The following TYR variants were observed in gnomAD, a reference collection of about 807,000 sequenced individuals.
The protein encoded by TYR is LB24-AB.
A neutral mutation model predicts 51.5 loss-of-function variants in TYR; 58 were observed. That is an observed-to-expected ratio of 1.13 (90% CI 0.91 to 1.40). The LOEUF is 1.40. TYR is among the 40% of genes most tolerant of loss of function. The pLI, the probability that TYR is intolerant of heterozygous loss-of-function variation, is 0.00. For synonymous variants in TYR, 263 were observed against 235.2 expected, an observed-to-expected ratio of 1.12 and a Z score of -1.08; for missense variants, 732 against 647.4, an observed-to-expected ratio of 1.13 and a Z score of -1.42.
chr11:89,276,957 A>G (rs140315725), intron 3 of TYR, among the ~76,000 whole-genome samples: 3,484 of 151,836 alleles, frequency 0.023, 139 homozygotes, highest in African/African-American at 0.08. Flanking sequence ...GGGGTTTGGA[A>G]GGGAAGAAAA....
intron 3 of TYR, among the ~76,000 whole-genome samples, chr11:89,242,803 C>T (rs1480449322): frequency 6.6e-6 from 1 of 152,086 alleles, no homozygotes; most frequent in East Asian, 1.9e-4. Flanking sequence ...TAAAGAGGTC[C>T]TGACCAACTC....
chr11:89,264,782 A>T (rs1944506452), intron 3 of TYR, among the ~76,000 whole-genome samples: 1 of 151,208 alleles, frequency 6.6e-6, no homozygotes, highest in African/African-American at 2.4e-5. Flanking sequence ...CTTTGCAGGG[A>T]CATGGATGAG....
chr11:89,178,774 T>C lies in TYR; in HGVS notation c.819+2T>C. ...GCATCATTCTTCTCCTCTTGGCAGG[T>C]AAGATATGCTAGATATACGATGTCA... On this transcript the variant is annotated splice_donor_variant, in intron 1 of 4. Coordinates refer to ENST00000263321, the MANE Select transcript of TYR (RefSeq NM_000372.5). LOFTEE classifies it high-confidence loss of function. 6.2e-7 allele frequency: 1 copy of C among 1,613,952 alleles called. No homozygotes were observed. The highest frequency in any genetic ancestry group is 8.5e-7 in the Non-Finnish European group (1 of 1,179,972).
At chr11:89,253,978 T>C (rs1480120108) in intron 3 of TYR, among the ~76,000 whole-genome samples, 1 of 151,798 alleles carries the variant, frequency 6.6e-6, no homozygotes, top group Non-Finnish European at 1.5e-5. Flanking sequence ...GATAGGCTTT[T>C]ATTACATTGA....
chr11:89,230,660 T>C (rs1403849815), intron 3 of TYR, among the ~76,000 whole-genome samples: 1 of 152,084 alleles, frequency 6.6e-6, no homozygotes, highest in African/African-American at 2.4e-5. Context: ...TCAAACTATA[T>C]TAAAAAGTCG....
intron 2 of TYR, among the ~76,000 whole-genome samples, chr11:89,213,343 A>G (rs1943787350): frequency 6.6e-6 from 1 of 152,108 alleles, no homozygotes; most frequent in African/African-American, 2.4e-5. Context: ...CATAATTACT[A>G]TAAAGAGAAT....
In TYR at chr11:89,285,678, A is replaced by T. The variant is rs149180340; in HGVS notation, c.1366+724A>T. On this transcript the variant is annotated intron_variant, in intron 4 of 4. Coordinates refer to ENST00000263321, the MANE Select transcript of TYR (RefSeq NM_000372.5). ...TATTCTTTACATGTATTATTAATAAACCATATAGGAGGTAAGTTTTATTCT... is the reference window on the plus strand; with the variant it reads ...TATTCTTTACATGTATTATTAATAATCCATATAGGAGGTAAGTTTTATTCT... 4.3e-3 allele frequency among the ~76,000 whole-genome samples: 657 copies of T among 151,816 alleles called. 9 individuals are homozygous for T. Among genetic ancestry groups the T allele is most frequent in the East Asian group, 0.013 (65 of 5,110 alleles).
Position 89,284,966 on chromosome 11 carries a change from T to C in TYR, c.1366+12T>C, listed in dbSNP as rs1238844338. 9.3e-6 allele frequency: 15 copies of C among 1,609,010 alleles called. No individual in the cohort carries two copies. The Middle Eastern group carries it at 5.0e-4, about 53-fold the overall frequency. ...TCTACAAGATTCAGGTAAAGTTTAC[T>C]TTCTTTCAGAGGAATTGCTGAATCT... On this transcript the variant is annotated intron_variant, in intron 4 of 4. Coordinates refer to ENST00000263321, the MANE Select transcript of TYR (RefSeq NM_000372.5).
At chr11:89,236,763 C>G (rs1252058727) in intron 3 of TYR, among the ~76,000 whole-genome samples, 1 of 152,236 alleles carries the variant, frequency 6.6e-6, no homozygotes, top group African/African-American at 2.4e-5. Flanking sequence ...ACATTTATTC[C>G]TATTTCTGGG....
At chr11:89,269,952 A>G (rs1944569551) in intron 3 of TYR, among the ~76,000 whole-genome samples, 1 of 151,920 alleles carries the variant, frequency 6.6e-6, no homozygotes, top group Non-Finnish European at 1.5e-5. Context: ...CTGTCTATCT[A>G]CTACCGTGTT....
At chr11:89,180,314 A>T (rs1943284435) in intron 1 of TYR, among the ~76,000 whole-genome samples, 1 of 152,180 alleles carries the variant, frequency 6.6e-6, no homozygotes. Flanking sequence ...TTATTTAACT[A>T]TGTGGCTTAA....
chr11:89,250,195 A>G lies in TYR; in HGVS notation c.1184+22225A>G, dbSNP rs371142904. Among the ~76,000 whole-genome samples, 8 of 152,160 alleles carry G rather than the reference A, an allele frequency of 5.3e-5. No homozygotes were observed. The East Asian group carries it at 1.4e-3, about 26-fold the overall frequency. On this transcript the variant is annotated intron_variant, in intron 3 of 4. Coordinates refer to ENST00000263321, the MANE Select transcript of TYR (RefSeq NM_000372.5). ...AAGCATGTTGGTCTGGACAACAGGA[A>G]AGAACTATAGTGTCATGAGTTTCAT... is the stretch of plus-strand genomic sequence containing the variant.
chr11:89,242,274 C>A (rs1335512502), intron 3 of TYR, among the ~76,000 whole-genome samples: 1 of 152,128 alleles, frequency 6.6e-6, no homozygotes, highest in African/African-American at 2.4e-5. Flanking sequence ...GTGGTGCAAT[C>A]TCAGCTCACT....
At chr11:89,260,181 T>C (rs1271542849) in intron 3 of TYR, among the ~76,000 whole-genome samples, 1 of 151,740 alleles carries the variant, frequency 6.6e-6, no homozygotes, top group Admixed American at 6.6e-5. Flanking sequence ...TATCAGACAG[T>C]TTTATTACCT....
intron 3 of TYR, among the ~76,000 whole-genome samples, chr11:89,262,713 T>C (rs1336826039): frequency 6.9e-6 from 1 of 144,474 alleles, no homozygotes; most frequent in Non-Finnish European, 1.5e-5. Flanking sequence ...CTATAAACAA[T>C]TGTATGGCAG....
chr11:89,277,553 A>G (rs1944670222), intron 3 of TYR, among the ~76,000 whole-genome samples: 1 of 151,764 alleles, frequency 6.6e-6, no homozygotes, highest in Non-Finnish European at 1.5e-5. Context: ...ATCCAGACCC[A>G]GATATCTAGC....
rs781782226 is a variant in TYR, at chr11:89,178,206, T to A, written c.253T>A (p.Tyr85Asn). 6.2e-7 allele frequency: 1 copy of A among 1,614,168 alleles called. No homozygotes were observed. The highest frequency in any genetic ancestry group is 8.5e-7 in the Non-Finnish European group (1 of 1,180,032). Residue 85 changes from tyrosine (Y) to asparagine (N), a missense_variant, in exon 1 of 5, where the codon TAT becomes AAT. Transcript: ENST00000263321. ...CCGGGAGTCGTGGCCTTCCGTCTTT[T>A]ATAATAGGACCTGCCAGTGCTCTGG... ...DDRESWPSVF[Y>N]NRTCQCSGNF...
intron 3 of TYR, among the ~76,000 whole-genome samples, chr11:89,268,972 T>C (rs1426781937): frequency 6.6e-6 from 1 of 152,052 alleles, no homozygotes; most frequent in Non-Finnish European, 1.5e-5. Flanking sequence ...TAGCTGCTTC[T>C]GCTGTAATCC....
At chr11:89,194,612 T>C (rs1475236762) in intron 2 of TYR, among the ~76,000 whole-genome samples, 6 of 152,180 alleles carry the variant, frequency 3.9e-5, no homozygotes, top group Non-Finnish European at 8.8e-5. Context: ...TATTAGCCAA[T>C]ATTCAGGATT....
Sources: gnomAD v4.1 joint callset for allele counts (sites outside exome capture counted in the v4.1 genomes callset) on GRCh38, gnomAD v4.1.1 for gene constraint, MANE v1.5 for transcripts, NCBI Gene and HGNC (gene_info 2026-07-23, HGNC 2026-07-21) for gene names.